The following PRCC variants were observed in gnomAD, a reference collection of about 807,000 sequenced individuals.
The protein encoded by PRCC is proline-rich protein PRCC.
Under a neutral mutation model 44.0 loss-of-function variants are expected in PRCC, and 10 were observed. The ratio of observed to expected loss-of-function variants is 0.23; its 90% CI spans 0.14 to 0.39. The LOEUF is 0.39. PRCC is among the 10% of genes least tolerant of loss of function. The pLI is 1.00. For missense variants in PRCC, 573 were observed against 624.7 expected (o/e 0.92, Z 0.88); for synonymous variants, 278 against 259.5 (o/e 1.07, Z -0.69).
At chr1:156,775,044 C>G (rs900798003) in intron 1 of PRCC, among the ~76,000 whole-genome samples, 1 of 151,382 alleles carries the variant, frequency 6.6e-6, no homozygotes, top group African/African-American at 2.4e-5. Flanking sequence ...GTCAGGAGAT[C>G]GAGAGCATCC....
chr1:156,796,385 G>A (rs578091464), intron 5 of PRCC: 1 of 152,324 alleles, frequency 6.6e-6, no homozygotes, highest in South Asian at 2.1e-4. Context: ...AGCATAGTTG[G>A]GAAGAAGAGA....
At chr1:156,792,472 G>C (rs895359537) in intron 4 of PRCC, among the ~76,000 whole-genome samples, 2 of 152,110 alleles carry the variant, frequency 1.3e-5, no homozygotes, top group African/African-American at 4.8e-5. Context: ...GTTTTGAGCA[G>C]AGTCTTGCTT....
chr1:156,792,319 A>G (rs765104704), intron 4 of PRCC, among the ~76,000 whole-genome samples: 8 of 152,142 alleles, frequency 5.3e-5, no homozygotes, highest in Non-Finnish European at 1.0e-4. Flanking sequence ...GGGTAGAGAA[A>G]GAAAGAGGAG....
At chr1:156,785,598 A>T (rs1000155101) in intron 2 of PRCC, among the ~76,000 whole-genome samples, 1 of 99,330 alleles carries the variant, frequency 1.0e-5, no homozygotes, top group African/African-American at 3.2e-5. Context: ...AAGGGGGGGA[A>T]AAAAAAGAGA....
chr1:156,767,587 C>G lies in PRCC; in HGVS notation c.-185C>G. The G allele has an allele frequency of 1.6e-6, 1 of 625,058 alleles. No homozygotes were observed. The highest frequency in any genetic ancestry group is 2.0e-5 in the South Asian group (1 of 49,980). The allele number at this position is 625,058 out of a possible 1,614,324, so 38.7% of individuals were successfully genotyped here. On this transcript the variant is annotated 5_prime_UTR_variant, in exon 1 of 7. Transcript: ENST00000271526. ...GACTAGGAGCTTAAGTGAAGAGGTA[C>G]GCCTTGTTCGGTGGAAATCAGCCGT...
At chr1:156,788,214 A>G (rs1329551915) in intron 3 of PRCC, among the ~76,000 whole-genome samples, 2 of 152,164 alleles carry the variant, frequency 1.3e-5, no homozygotes, top group Non-Finnish European at 2.9e-5. Flanking sequence ...GTGTCCATGT[A>G]TACTCAGTGT....
chr1:156,795,117 C>T (rs545812515), intron 5 of PRCC, among the ~76,000 whole-genome samples: 1 of 152,194 alleles, frequency 6.6e-6, no homozygotes, highest in East Asian at 1.9e-4. Flanking sequence ...AGCTGCTCTA[C>T]TCTTGCCGTA....
In PRCC at chr1:156,786,718, G is replaced by A. The variant is rs757081137; in HGVS notation, c.627G>A (p.Ser209=). Residue 209 remains serine, a synonymous_variant, in exon 3 of 7, where the codon TCG becomes TCA. Transcript: ENST00000271526. ...CCCATGCCTTCTCCCGCAAACCCTC[G>A]GATGGCTCCCCTGATACTAAGCCCT... The part of the protein sequence containing the change: ...LLPHAFSRKP[S]DGSPDTKPSR... 8 of 1,613,930 alleles carry A rather than the reference G, an allele frequency of 5.0e-6. No individual in the cohort carries two copies. Among genetic ancestry groups the A allele is most frequent in the Non-Finnish European group, 5.9e-6 (7 of 1,180,014 alleles).
At chr1:156,788,606 A>G (rs1003770559) in intron 3 of PRCC, among the ~76,000 whole-genome samples, 2 of 150,334 alleles carry the variant, frequency 1.3e-5, no homozygotes, top group Non-Finnish European at 2.9e-5. Flanking sequence ...ACTAATTTAC[A>G]TTCCCATCCG....
intron 4 of PRCC, among the ~76,000 whole-genome samples, chr1:156,793,665 A>G (rs1273181873): frequency 6.6e-6 from 1 of 152,174 alleles, no homozygotes; most frequent in Non-Finnish European, 1.5e-5. Context: ...AGATGGACAA[A>G]CAACTGATTT....
chr1:156,791,312 A>C (rs1302536653), intron 3 of PRCC: 4 of 544,222 alleles, frequency 7.3e-6, no homozygotes, highest in African/African-American at 1.9e-5. Flanking sequence ...CCCTGCTCGC[A>C]TCGTAGCTCA....
intron 6 of PRCC, 64 bp downstream of exon 6, chr1:156,797,405 G>C (rs570776877): frequency 2.0e-4 from 312 of 1,587,470 alleles, no homozygotes; most frequent in Non-Finnish European, 2.6e-4. Flanking sequence ...TTTGAAGGCT[G>C]AGATACGAGT....
chr1:156,794,567 G>T, intron 4 of PRCC, 98 bp from the exon 5 acceptor site: 2 of 1,432,348 alleles, frequency 1.4e-6, no homozygotes, highest in Non-Finnish European at 1.9e-6. Context: ...CCTTGGGATT[G>T]GTGAGTCACA....
At chr1:156,783,711 A>G (rs896720863) in intron 2 of PRCC, among the ~76,000 whole-genome samples, 14 of 152,072 alleles carry the variant, frequency 9.2e-5, no homozygotes, top group African/African-American at 3.4e-4. Context: ...GTGCCACTGC[A>G]CTCCAGCCTT....
intron 1 of PRCC, among the ~76,000 whole-genome samples, chr1:156,781,057 G>A (rs180941397): frequency 6.6e-6 from 1 of 152,166 alleles, no homozygotes; most frequent in East Asian, 1.9e-4. Flanking sequence ...AGTGATTTGG[G>A]TACTTATTCT....
intron 6 of PRCC, among the ~76,000 whole-genome samples, chr1:156,799,587 C>T (rs964709017): frequency 1.2e-4 from 19 of 152,140 alleles, no homozygotes; most frequent in Admixed American, 5.2e-4. Flanking sequence ...ACCTTCCTTT[C>T]AGGAACTCCT....
chr1:156,788,467 CATGT>C (rs1368822639), intron 3 of PRCC, among the ~76,000 whole-genome samples: 3 of 152,136 alleles, frequency 2.0e-5, no homozygotes, highest in Non-Finnish European at 4.4e-5. Context: ...AACATGTGTG[CATGT>C]GTCTTTACAG....
intron 6 of PRCC, among the ~76,000 whole-genome samples, chr1:156,799,125 T>G (rs1425399160): frequency 6.6e-6 from 1 of 152,202 alleles, no homozygotes; most frequent in South Asian, 2.1e-4. Flanking sequence ...TGACTACAAA[T>G]GGCACCATGT....
intron 3 of PRCC, among the ~76,000 whole-genome samples, chr1:156,789,353 G>A (rs910006402): frequency 3.3e-5 from 5 of 152,160 alleles, no homozygotes; most frequent in African/African-American, 1.2e-4. Context: ...CTTCCCCTAT[G>A]TTGAAAACAA....
Sources: gnomAD v4.1 joint callset for allele counts (sites outside exome capture counted in the v4.1 genomes callset) on GRCh38, gnomAD v4.1.1 for gene constraint, MANE v1.5 for transcripts, NCBI Gene and HGNC (gene_info 2026-07-23, HGNC 2026-07-21) for gene names.